The following NKAIN2 variants were observed in gnomAD, a reference collection of about 807,000 sequenced individuals.
NKAIN2 encodes the protein sodium/potassium-transporting ATPase subunit beta-1-interacting protein 2.
In NKAIN2, 14 loss-of-function variants were observed where a neutral mutation model predicts 32.6. That is an observed-to-expected ratio of 0.43 (90% CI 0.28 to 0.67). The LOEUF (loss-of-function observed/expected upper bound fraction) is 0.67, where lower values mean the gene tolerates loss of function less well. Ranked by LOEUF, NKAIN2 falls within the 30% of genes least tolerant of loss-of-function variation. The pLI, the probability that NKAIN2 is intolerant of heterozygous loss-of-function variation, is 0.17. For missense variants in NKAIN2, 198 were observed against 258.3 expected (o/e 0.77, Z 1.60); for synonymous variants, 80 against 87.2 (o/e 0.92, Z 0.46).
At chr6:124,489,295 T>C (rs1583326910) in intron 3 of NKAIN2, among the ~76,000 whole-genome samples, 1 of 151,926 alleles carries the variant, frequency 6.6e-6, no homozygotes, top group African/African-American at 2.4e-5. Flanking sequence ...ACTTGCCATG[T>C]CATTTGTAGC....
At chr6:123,849,297 A>T (rs778243238) in intron 1 of NKAIN2, among the ~76,000 whole-genome samples, 7 of 152,208 alleles carry the variant, frequency 4.6e-5, no homozygotes, top group East Asian at 1.9e-4. Flanking sequence ...TTCATGTAAA[A>T]ATGATAGACG....
At chr6:124,030,393 A>C (rs1161102483) in intron 1 of NKAIN2, among the ~76,000 whole-genome samples, 1 of 152,028 alleles carries the variant, frequency 6.6e-6, no homozygotes, top group Non-Finnish European at 1.5e-5. Flanking sequence ...CTCCATATTC[A>C]CTTAATAGTC....
At chr6:124,540,971 G>A (rs1041853230) in intron 3 of NKAIN2, among the ~76,000 whole-genome samples, 3 of 152,092 alleles carry the variant, frequency 2.0e-5, no homozygotes, top group African/African-American at 7.2e-5. Context: ...CTTATCATGG[G>A]CTTATCAGGA....
chr6:124,230,212 C>T (rs1042709100), intron 1 of NKAIN2, among the ~76,000 whole-genome samples: 2 of 151,984 alleles, frequency 1.3e-5, no homozygotes, highest in Non-Finnish European at 2.9e-5. Flanking sequence ...TTTTCCCCTG[C>T]CCTAGAGATT....
chr6:124,069,769 C>T (rs1287519087), intron 1 of NKAIN2, among the ~76,000 whole-genome samples: 1 of 152,162 alleles, frequency 6.6e-6, no homozygotes, highest in African/African-American at 2.4e-5. Flanking sequence ...CTGCCTCAAC[C>T]AAGGACATCT....
At chr6:124,117,002 A>C (rs1162743447) in intron 1 of NKAIN2, among the ~76,000 whole-genome samples, 1 of 152,076 alleles carries the variant, frequency 6.6e-6, no homozygotes, top group Non-Finnish European at 1.5e-5. Flanking sequence ...GATGGATATA[A>C]AATTCTGCTT....
intron 1 of NKAIN2, among the ~76,000 whole-genome samples, chr6:124,249,350 G>A (rs760561725): frequency 3.3e-5 from 5 of 152,040 alleles, no homozygotes; most frequent in Non-Finnish European, 5.9e-5. Flanking sequence ...GGATATCTTT[G>A]GTACTTGTGA....
intron 4 of NKAIN2, among the ~76,000 whole-genome samples, chr6:124,750,163 C>A (rs1340673148): frequency 1.3e-5 from 2 of 151,796 alleles, no homozygotes; most frequent in African/African-American, 4.8e-5. Flanking sequence ...AAATAATACA[C>A]ATGAAAGCGT....
intron 1 of NKAIN2, among the ~76,000 whole-genome samples, chr6:123,917,129 T>C (rs1410347599): frequency 6.6e-6 from 1 of 152,192 alleles, no homozygotes; most frequent in Non-Finnish European, 1.5e-5. Context: ...TTAGTGTTCT[T>C]AGAACCCCTT....
At chr6:124,550,162 A>G (rs1780237981) in intron 3 of NKAIN2, among the ~76,000 whole-genome samples, 1 of 152,178 alleles carries the variant, frequency 6.6e-6, no homozygotes, top group Admixed American at 6.5e-5. Flanking sequence ...CTGTTTATTT[A>G]GTTAGCAAAT....
intron 3 of NKAIN2, among the ~76,000 whole-genome samples, chr6:124,632,601 T>G (rs1783613511): frequency 6.6e-6 from 1 of 152,242 alleles, no homozygotes; most frequent in African/African-American, 2.4e-5. Flanking sequence ...TTTCTTAACA[T>G]TCTTTTTGTA....
intron 1 of NKAIN2, among the ~76,000 whole-genome samples, chr6:123,864,627 T>C (rs530231912): frequency 6.6e-6 from 1 of 152,266 alleles, no homozygotes; most frequent in East Asian, 1.9e-4. Flanking sequence ...CTGAATTAAA[T>C]GAGCGAGGGA....
Position 124,210,269 on chromosome 6 carries a change from G to T in NKAIN2, c.55-72736G>T, listed in dbSNP as rs546661098. ...AAAATGAGTTGACTGTAATTTATGG[G>T]TTGTCTATTCTGTTCCATTGGTTTA... is the stretch of plus-strand genomic sequence containing the variant. On this transcript the variant is annotated intron_variant, in intron 1 of 6. Transcript: ENST00000368417. Among the ~76,000 whole-genome samples the T allele has an allele frequency of 5.3e-4, 81 of 151,696 alleles. 1 individual carries two copies. Among genetic ancestry groups the T allele is most frequent in the African/African-American group, 1.9e-3 (80 of 41,438 alleles).
intron 5 of NKAIN2, among the ~76,000 whole-genome samples, chr6:124,800,317 G>A (rs997808063): frequency 2.0e-5 from 3 of 152,240 alleles, no homozygotes; most frequent in East Asian, 1.9e-4. Context: ...CCAGGTTTGC[G>A]GAATGAAAAC....
intron 1 of NKAIN2, among the ~76,000 whole-genome samples, chr6:124,241,043 G>A (rs1447050732): frequency 2.0e-5 from 3 of 152,110 alleles, no homozygotes; most frequent in Non-Finnish European, 2.9e-5. Flanking sequence ...CTTCAGCAAA[G>A]TCTCAGGATA....
At position 124,775,440 on chromosome 6, in the gene NKAIN2, C is replaced by T. The variant is rs186494369; in HGVS notation, c.475-15899C>T. On this transcript the variant is annotated intron_variant, in intron 4 of 6. Coordinates refer to ENST00000368417, the MANE Select transcript of NKAIN2 (RefSeq NM_001040214.3). ...TACAGTACAGCTTTAAAAACAACAACGAAACCTACATTATAAATTGAAGTC... is the reference window on the plus strand; with the variant it reads ...TACAGTACAGCTTTAAAAACAACAATGAAACCTACATTATAAATTGAAGTC... Among the ~76,000 whole-genome samples the T allele has an allele frequency of 8.4e-4, 128 of 152,248 alleles. 1 individual carries two copies. Among genetic ancestry groups the T allele is most frequent in the Middle Eastern group, 6.8e-3 (2 of 294 alleles).
At chr6:124,115,242 C>T (rs1018075728) in intron 1 of NKAIN2, among the ~76,000 whole-genome samples, 1 of 151,896 alleles carries the variant, frequency 6.6e-6, no homozygotes, top group African/African-American at 2.4e-5. Context: ...TAATGATTTC[C>T]AATAAATTTT....
At chr6:124,775,973 G>C (rs1418097998) in intron 4 of NKAIN2, among the ~76,000 whole-genome samples, 2 of 152,276 alleles carry the variant, frequency 1.3e-5, no homozygotes, top group South Asian at 2.1e-4. Context: ...CAGCATAAGA[G>C]GATCTGGTAA....
chr6:124,609,904 T>G (rs1026034319), intron 3 of NKAIN2, among the ~76,000 whole-genome samples: 1 of 152,174 alleles, frequency 6.6e-6, no homozygotes, highest in Admixed American at 6.6e-5. Context: ...TCCTTTGTCT[T>G]TGCAATAGAG....
Sources: gnomAD v4.1 joint callset for allele counts (sites outside exome capture counted in the v4.1 genomes callset) on GRCh38, gnomAD v4.1.1 for gene constraint, MANE v1.5 for transcripts, NCBI Gene and HGNC (gene_info 2026-07-23, HGNC 2026-07-21) for gene names.